TMEM196: variants seen among roughly 807,000 people sequenced by gnomAD.
The protein encoded by TMEM196 is transmembrane protein 196.
A neutral mutation model predicts 20.0 loss-of-function variants in TMEM196; 17 were observed. That is an observed-to-expected ratio of 0.85 (90% CI 0.58 to 1.27). The LOEUF is 1.27. TMEM196 is among the 50% of genes most tolerant of loss of function. The pLI, the probability that TMEM196 is intolerant of heterozygous loss-of-function variation, is 0.00. For missense variants in TMEM196, 267 were observed against 223.0 expected, an observed-to-expected ratio of 1.20 and a Z score of -1.26; for synonymous variants, 113 against 88.9, an observed-to-expected ratio of 1.27 and a Z score of -1.52.
At chr7:19,765,620 C>T (rs1207425654) in intron 1 of TMEM196, among the ~76,000 whole-genome samples, 7 of 152,024 alleles carry the variant, frequency 4.6e-5, no homozygotes, top group African/African-American at 1.2e-4. Flanking sequence ...TCACACTATT[C>T]GATTTGCCTA....
intron 3 of TMEM196, among the ~76,000 whole-genome samples, chr7:19,724,806 C>T (rs763437894): frequency 1.7e-4 from 26 of 152,130 alleles, no homozygotes; most frequent in Non-Finnish European, 2.8e-4. Flanking sequence ...AATGTTTCCT[C>T]TCTTCTCTAC....
At chr7:19,729,576 A>AG in intron 1 of TMEM196, 138 bp from the exon 2 acceptor site, 1 of 754,354 alleles carries the variant, frequency 1.3e-6, no homozygotes, top group Non-Finnish European at 2.1e-6. Context: ...GGAGAGGATA[A>AG]GATCTCATTC....
chr7:19,752,624 TC>T (rs1020336483), intron 1 of TMEM196, among the ~76,000 whole-genome samples: 251 of 151,486 alleles, frequency 1.7e-3, no homozygotes, highest in African/African-American at 5.5e-3. Context: ...TTTCTTTCTT[TC>T]TTTTTTTGAG....
chr7:19,724,375 T>C, intron 3 of TMEM196, 22 bp from the exon 4 acceptor site: 1 of 1,545,780 alleles, frequency 6.5e-7, no homozygotes, highest in Admixed American at 2.0e-5. Flanking sequence ...ATAACAATCA[T>C]ACAATAAATA....
intron 1 of TMEM196, among the ~76,000 whole-genome samples, chr7:19,732,035 T>C (rs548797628): frequency 1.3e-5 from 2 of 152,252 alleles, no homozygotes; most frequent in Admixed American, 1.3e-4. Flanking sequence ...CCACAGTTTA[T>C]AGAAAAGAGA....
chr7:19,754,955 A>T (rs1458390794), intron 1 of TMEM196, among the ~76,000 whole-genome samples: 1 of 152,216 alleles, frequency 6.6e-6, no homozygotes, highest in Non-Finnish European at 1.5e-5. Flanking sequence ...TAATGAAATG[A>T]TTCTCTCCAT....
chr7:19,729,447 G>T lies in TMEM196; in HGVS notation c.148-9C>A. ...ATGCCACAAAGAAGAAACTGAAAAG[G>T]AAAAGAAGAACAATTACTCCTTATC... On this transcript the variant is annotated splice_polypyrimidine_tract_variant and intron_variant, in intron 1 of 4. Transcript: ENST00000405844. 1 of 1,549,510 alleles carries T rather than the reference G, an allele frequency of 6.5e-7. No homozygotes were observed.
intron 4 of TMEM196, 76 bp from the exon 5 acceptor site, chr7:19,722,210 A>G (rs2128010738): frequency 7.8e-7 from 1 of 1,276,050 alleles, no homozygotes; most frequent in Non-Finnish European, 1.1e-6. Flanking sequence ...AGTTTGCAAA[A>G]CAGAAATTTC....
At position 19,721,340 on chromosome 7, in the gene TMEM196, G is replaced by A. The variant is rs1783806267; in HGVS notation, c.*788C>T. 1 of 151,778 alleles carries A rather than the reference G, an allele frequency of 6.6e-6. No homozygotes were observed. The highest frequency in any genetic ancestry group is 2.4e-5 in the African/African-American group (1 of 41,370). 9.4% of individuals were successfully genotyped at this position (151,778 alleles called of 1,614,324 possible). A position where few individuals can be genotyped will look rare whatever the true frequency, so the allele number is the denominator to read the frequency against. On this transcript the variant is annotated 3_prime_UTR_variant, in exon 5 of 5. Coordinates refer to ENST00000405844, the MANE Select transcript of TMEM196 (RefSeq NM_001363562.2). ...GCTGTATACATGTTCTATATTTACA[G>A]TATGTATACACACATTCACACACAT...
intron 1 of TMEM196, among the ~76,000 whole-genome samples, chr7:19,768,954 T>C (rs1785749996): frequency 1.3e-5 from 2 of 152,164 alleles, no homozygotes; most frequent in Admixed American, 6.5e-5. Flanking sequence ...AAAATCAAAA[T>C]GCAGCAGTTG....
chr7:19,765,012 T>G (rs1785572449), intron 1 of TMEM196, among the ~76,000 whole-genome samples: 1 of 152,200 alleles, frequency 6.6e-6, no homozygotes, highest in South Asian at 2.1e-4. Context: ...CTTAAAGTAC[T>G]GACTAAGCTG....
chr7:19,742,165 A>G (rs773746640), intron 1 of TMEM196, among the ~76,000 whole-genome samples: 1 of 152,314 alleles, frequency 6.6e-6, no homozygotes, highest in South Asian at 2.1e-4. Context: ...GGACATTAAA[A>G]TATCAGAATA....
chr7:19,755,993 T>C (rs1390250207), intron 1 of TMEM196, among the ~76,000 whole-genome samples: 3 of 150,804 alleles, frequency 2.0e-5, no homozygotes, highest in East Asian at 3.9e-4. Context: ...TGTGCCACTG[T>C]ACTCCAGCCT....
intron 1 of TMEM196, among the ~76,000 whole-genome samples, chr7:19,759,855 C>T (rs952304224): frequency 3.9e-5 from 6 of 152,148 alleles, no homozygotes; most frequent in African/African-American, 1.4e-4. Flanking sequence ...TTTACCACCT[C>T]TGCTTTCATT....
chr7:19,722,866 T>C (rs1783858038), intron 4 of TMEM196, among the ~76,000 whole-genome samples: 1 of 152,154 alleles, frequency 6.6e-6, no homozygotes, highest in African/African-American at 2.4e-5. Flanking sequence ...TTTTGTTAAA[T>C]ATTAAACCCT....
chr7:19,743,586 C>T (rs935987510), intron 1 of TMEM196, among the ~76,000 whole-genome samples: 2 of 152,122 alleles, frequency 1.3e-5, no homozygotes, highest in Non-Finnish European at 1.5e-5. Context: ...ACTGTGAAAA[C>T]GAAGGGGTTG....
intron 1 of TMEM196, among the ~76,000 whole-genome samples, chr7:19,734,710 C>G (rs1040598765): frequency 1.3e-5 from 2 of 152,166 alleles, no homozygotes; most frequent in Admixed American, 1.3e-4. Flanking sequence ...CCTGGAGCCT[C>G]CAGAAAGAAT....
chr7:19,764,404 T>A (rs1222484128), intron 1 of TMEM196, among the ~76,000 whole-genome samples: 1 of 152,190 alleles, frequency 6.6e-6, no homozygotes, highest in Non-Finnish European at 1.5e-5. Flanking sequence ...GAGGCAGATC[T>A]TCATTTTGCA....
chr7:19,762,763 T>C (rs1785486400), intron 1 of TMEM196, among the ~76,000 whole-genome samples: 1 of 152,190 alleles, frequency 6.6e-6, no homozygotes, highest in African/African-American at 2.4e-5. Flanking sequence ...GTGCCAGCTT[T>C]GAGTCTGATT....
Sources: gnomAD v4.1 joint callset for allele counts (sites outside exome capture counted in the v4.1 genomes callset) on GRCh38, gnomAD v4.1.1 for gene constraint, MANE v1.5 for transcripts, NCBI Gene and HGNC (gene_info 2026-07-23, HGNC 2026-07-21) for gene names.